PAPPA2: variants seen among roughly 807,000 people sequenced by gnomAD.
The protein encoded by PAPPA2 is pappalysin 2, also known as pappalysin-2.
PAPPA2 carries 86 observed loss-of-function variants against 176.4 expected under a neutral mutation model. The ratio of observed to expected loss-of-function variants is 0.49; its 90% confidence interval spans 0.41 to 0.58. The LOEUF (loss-of-function observed/expected upper bound fraction) is 0.58. Among genes scored for constraint, PAPPA2 ranks in the 20% least tolerant of loss-of-function variants. The pLI, the probability that PAPPA2 is intolerant of heterozygous loss-of-function variation, is 0.00. For synonymous variants in PAPPA2, 809 were observed against 852.2 expected, an observed-to-expected ratio of 0.95 and a Z score of 0.88; for missense variants, 2,073 against 2,256.9, an observed-to-expected ratio of 0.92 and a Z score of 1.65.
At chr1:176,728,694 T>G (rs1661994374) in intron 12 of PAPPA2, among the ~76,000 whole-genome samples, 1 of 151,904 alleles carries the variant, frequency 6.6e-6, no homozygotes, top group Non-Finnish European at 1.5e-5. Flanking sequence ...CTGAAAAAGA[T>G]GAGTAATGGA....
At chr1:176,500,376 A>G (rs1355517808) in intron 1 of PAPPA2, among the ~76,000 whole-genome samples, 1 of 151,634 alleles carries the variant, frequency 6.6e-6, no homozygotes, top group Non-Finnish European at 1.5e-5. Flanking sequence ...GCACCAGAAG[A>G]AAAAACATTT....
At chr1:176,610,343 G>T (rs1426818436) in intron 3 of PAPPA2, among the ~76,000 whole-genome samples, 2 of 83,698 alleles carry the variant, frequency 2.4e-5, no homozygotes, top group Non-Finnish European at 2.1e-5. Context: ...AAAGTTGTGT[G>T]TGGGGGGGGG....
At chr1:176,635,026 A>G (rs1220545668) in intron 3 of PAPPA2, among the ~76,000 whole-genome samples, 3 of 151,716 alleles carry the variant, frequency 2.0e-5, no homozygotes, top group Admixed American at 6.6e-5. Flanking sequence ...TGCACAGCAA[A>G]GCAAAGGACT....
chr1:176,664,116 G>A (rs377272209), intron 3 of PAPPA2, among the ~76,000 whole-genome samples: 20 of 152,188 alleles, frequency 1.3e-4, no homozygotes, highest in African/African-American at 4.8e-4. Flanking sequence ...TTATTTTCCA[G>A]TGGTATTACT....
chr1:176,580,953 C>CT (rs1446206768), intron 2 of PAPPA2, among the ~76,000 whole-genome samples: 1 of 152,040 alleles, frequency 6.6e-6, no homozygotes, highest in East Asian at 1.9e-4. Context: ...TCAGTTGTTT[C>CT]TTTTGCTGTG....
At chr1:176,839,200 A>G (rs1039152777) in intron 21 of PAPPA2, among the ~76,000 whole-genome samples, 3 of 152,220 alleles carry the variant, frequency 2.0e-5, no homozygotes, top group Admixed American at 1.3e-4. Flanking sequence ...GATGAGGAGC[A>G]GCCAGGTTAT....
Position 176,556,209 on chromosome 1 carries a change from A to G in PAPPA2, c.-114A>G, listed in dbSNP as rs1651273992. 1 of 1,262,894 alleles carries G rather than the reference A, an allele frequency of 7.9e-7. No individual in the cohort carries two copies. The allele number at this position is 1,262,894 out of a possible 1,614,324, so 78.2% of individuals were successfully genotyped here. On this transcript the variant is annotated 5_prime_UTR_variant, in exon 2 of 23. Coordinates refer to ENST00000367662, the MANE Select transcript of PAPPA2 (RefSeq NM_020318.3). Reference sequence around the variant, plus strand: ...AAAAAGTTTGGTCTGTGAACAAAACAGTTTCCCTGGTGACTGCAAATCCAT... The same window carrying G: ...AAAAAGTTTGGTCTGTGAACAAAACGGTTTCCCTGGTGACTGCAAATCCAT...
intron 3 of PAPPA2, among the ~76,000 whole-genome samples, chr1:176,598,714 C>T (rs1654118087): frequency 6.6e-6 from 1 of 152,136 alleles, no homozygotes; most frequent in Admixed American, 6.5e-5. Context: ...AACTCTTCTT[C>T]TTCACCCTTA....
chr1:176,840,304 G>A (rs769698726), intron 22 of PAPPA2, 33 bp downstream of exon 22: 1 of 1,541,974 alleles, frequency 6.5e-7, no homozygotes, highest in Non-Finnish European at 8.9e-7. Context: ...GGGGGAGGCA[G>A]TGGCTTCAGG....
intron 2 of PAPPA2, among the ~76,000 whole-genome samples, chr1:176,581,298 C>CT (rs1219569717): frequency 6.6e-6 from 1 of 152,102 alleles, no homozygotes; most frequent in Non-Finnish European, 1.5e-5. Flanking sequence ...TCTGGGTTCT[C>CT]TATTATGTTC....
intron 1 of PAPPA2, among the ~76,000 whole-genome samples, chr1:176,471,379 A>G (rs1481028919): frequency 1.3e-5 from 2 of 152,170 alleles, no homozygotes; most frequent in Admixed American, 1.3e-4. Flanking sequence ...AGAAACCCCA[A>G]CACACTGTGT....
At chr1:176,762,361 C>G (rs1663739916) in intron 14 of PAPPA2, among the ~76,000 whole-genome samples, 1 of 151,910 alleles carries the variant, frequency 6.6e-6, no homozygotes, top group Non-Finnish European at 1.5e-5. Context: ...ACTTCTCACA[C>G]TGGCAGTCAT....
intron 3 of PAPPA2, among the ~76,000 whole-genome samples, chr1:176,597,089 C>T (rs1361692960): frequency 6.6e-6 from 1 of 152,098 alleles, no homozygotes; most frequent in East Asian, 1.9e-4. Flanking sequence ...TGAGTTAACA[C>T]TAATAGAGTG....
intron 4 of PAPPA2, among the ~76,000 whole-genome samples, chr1:176,687,999 C>T (rs1158560335): frequency 6.6e-6 from 1 of 152,070 alleles, no homozygotes; most frequent in African/African-American, 2.4e-5. Flanking sequence ...CCACAGATGC[C>T]ACTTGTTTTT....
intron 3 of PAPPA2, among the ~76,000 whole-genome samples, chr1:176,659,012 T>C (rs536608188): frequency 6.6e-6 from 1 of 152,092 alleles, no homozygotes; most frequent in African/African-American, 2.4e-5. Flanking sequence ...ATTTAGTAAA[T>C]ATTTGGATGC....
At chr1:176,483,906 A>G (rs1339985988) in intron 1 of PAPPA2, among the ~76,000 whole-genome samples, 2 of 152,180 alleles carry the variant, frequency 1.3e-5, no homozygotes, top group African/African-American at 4.8e-5. Context: ...CACCCTGTGA[A>G]CCTAGTCTTC....
chr1:176,687,191 A>G (rs773554302), intron 4 of PAPPA2, among the ~76,000 whole-genome samples: 1 of 152,238 alleles, frequency 6.6e-6, no homozygotes, highest in Non-Finnish European at 1.5e-5. Context: ...AATTGAAAAT[A>G]TAGCTTGCAA....
intron 15 of PAPPA2, 61 bp from the exon 16 acceptor site, chr1:176,769,546 G>T: frequency 1.3e-6 from 2 of 1,523,772 alleles, no homozygotes. Flanking sequence ...TCTAAAGCCT[G>T]GAAACTACTC....
chr1:176,475,976 A>G (rs1558391152), intron 1 of PAPPA2, among the ~76,000 whole-genome samples: 1 of 152,194 alleles, frequency 6.6e-6, no homozygotes, highest in African/African-American at 2.4e-5. Flanking sequence ...CAATTTTTCA[A>G]TATTAGTAGG....
Sources: gnomAD v4.1 joint callset for allele counts (sites outside exome capture counted in the v4.1 genomes callset) on GRCh38, gnomAD v4.1.1 for gene constraint, MANE v1.5 for transcripts, NCBI Gene and HGNC (gene_info 2026-07-23, HGNC 2026-07-21) for gene names.